DIP2C: variants seen among roughly 807,000 people sequenced by gnomAD.
The protein encoded by DIP2C is disco-interacting protein 2 homolog C.
In DIP2C, 33 loss-of-function variants were observed where a neutral mutation model predicts 192.4. The ratio of observed to expected loss-of-function variants is 0.17; its 90% CI spans 0.13 to 0.23. The LOEUF (loss-of-function observed/expected upper bound fraction) is 0.23, where lower values mean the gene tolerates loss of function less well. Among genes scored for constraint, DIP2C ranks in the 10% least tolerant of loss-of-function variants. The probability of loss-of-function intolerance (pLI) is 1.00; values close to 1 mark genes in which losing one functional copy is unlikely to be tolerated. For synonymous variants in DIP2C, 979 were observed against 864.1 expected, an observed-to-expected ratio of 1.13 and a Z score of -2.33; for missense variants, 1,537 against 2,110.1, an observed-to-expected ratio of 0.73 and a Z score of 5.32.
rs143414550 is a variant in DIP2C, at chr10:510,229, T to C, written c.86-23699A>G. Among the ~76,000 whole-genome samples the C allele has an allele frequency of 2.5e-3, 387 of 152,340 alleles. 5 individuals are homozygous for C. Among genetic ancestry groups the C allele is most frequent in the South Asian group, 0.022 (107 of 4,818 alleles). On this transcript the variant is annotated intron_variant, in intron 1 of 36. Transcript: ENST00000280886. ...TCACAAATCTATGTGGGGCAGTTGTTAGCCCCAGTTTAGAGATGAGGAAAA... is the reference window on the plus strand; with the variant it reads ...TCACAAATCTATGTGGGGCAGTTGTCAGCCCCAGTTTAGAGATGAGGAAAA...
At chr10:567,283 G>T (rs546386941) in intron 1 of DIP2C, among the ~76,000 whole-genome samples, 1 of 152,260 alleles carries the variant, frequency 6.6e-6, no homozygotes, top group South Asian at 2.1e-4. Context: ...CTACCTCCCA[G>T]ATTCAAGCAA....
chr10:308,323 A>G (rs1008144671), intron 32 of DIP2C, among the ~76,000 whole-genome samples: 3 of 151,380 alleles, frequency 2.0e-5, no homozygotes, highest in African/African-American at 7.4e-5. Flanking sequence ...GGGAAAGTGA[A>G]CTGCACCGCC....
Position 639,620 on chromosome 10 carries a change from G to A in DIP2C, c.85+49874C>T, listed in dbSNP as rs567504295. Among the ~76,000 whole-genome samples the A allele has an allele frequency of 1.3e-4, 20 of 152,348 alleles. No individual in the cohort carries two copies. The East Asian group carries it at 3.5e-3, about 26-fold the overall frequency. On this transcript the variant is annotated intron_variant, in intron 1 of 36. Coordinates refer to ENST00000280886, the MANE Select transcript of DIP2C (RefSeq NM_014974.3). ...AAGCTCACGTCCAAGGTCATTAAAC[G>A]CATGGCAAGCTCGCCTTGGAGGCAT...
intron 1 of DIP2C, among the ~76,000 whole-genome samples, chr10:515,197 C>A (rs1315609541): frequency 6.6e-6 from 1 of 152,148 alleles, no homozygotes; most frequent in African/African-American, 2.4e-5. Flanking sequence ...TTAATAGTAA[C>A]TTGTCCATAA....
At chr10:617,630 C>T (rs914181943) in intron 1 of DIP2C, among the ~76,000 whole-genome samples, 1 of 152,024 alleles carries the variant, frequency 6.6e-6, no homozygotes, top group African/African-American at 2.4e-5. Context: ...AACCCAGCCC[C>T]ACTGTCCAGG....
intron 1 of DIP2C, among the ~76,000 whole-genome samples, chr10:507,518 G>A (rs766331372): frequency 6.6e-5 from 10 of 152,106 alleles, no homozygotes; most frequent in East Asian, 1.9e-4. Context: ...TTAGGGACCC[G>A]GTCACCCGCT....
At chr10:377,807 G>A (rs913139630) in intron 17 of DIP2C, among the ~76,000 whole-genome samples, 1 of 152,190 alleles carries the variant, frequency 6.6e-6, no homozygotes, top group Admixed American at 6.5e-5. Flanking sequence ...CTAGAAGATG[G>A]TTGTGGTGAC....
At chr10:342,273 C>A (rs1021982322) in intron 28 of DIP2C, among the ~76,000 whole-genome samples, 1 of 152,186 alleles carries the variant, frequency 6.6e-6, no homozygotes, top group African/African-American at 2.4e-5. Flanking sequence ...ATTCTCCTGC[C>A]TCAGCCTCCC....
At chr10:495,052 G>A (rs140576788) in intron 1 of DIP2C, among the ~76,000 whole-genome samples, 3 of 152,292 alleles carry the variant, frequency 2.0e-5, no homozygotes, top group South Asian at 2.1e-4. Context: ...TCAACTTAAC[G>A]AACTAAATTC....
intron 23 of DIP2C, 85 bp from the exon 24 acceptor site, chr10:356,591 A>T: frequency 1.8e-6 from 2 of 1,134,742 alleles, no homozygotes; most frequent in Non-Finnish European, 2.6e-6. Flanking sequence ...GGATACTCAA[A>T]CCCATAGAGG....
At chr10:681,518 T>C (rs944230982) in intron 1 of DIP2C, among the ~76,000 whole-genome samples, 4 of 148,956 alleles carry the variant, frequency 2.7e-5, no homozygotes, top group Non-Finnish European at 5.9e-5. Context: ...GCCACAGAAA[T>C]TCCAGGGAAT....
At chr10:415,956 C>T in intron 6 of DIP2C, 68 bp from the exon 7 acceptor site, 1 of 1,602,856 alleles carries the variant, frequency 6.2e-7, no homozygotes, top group Non-Finnish European at 8.5e-7. Flanking sequence ...CACAGTCCCA[C>T]AGTCCCACAG....
At chr10:646,466 C>G (rs950935898) in intron 1 of DIP2C, among the ~76,000 whole-genome samples, 1 of 152,198 alleles carries the variant, frequency 6.6e-6, no homozygotes, top group Non-Finnish European at 1.5e-5. Flanking sequence ...GGACGGGTGG[C>G]GACCGCACCA....
intron 1 of DIP2C, among the ~76,000 whole-genome samples, chr10:500,252 T>C (rs1210059154): frequency 6.6e-6 from 1 of 152,234 alleles, no homozygotes; most frequent in African/African-American, 2.4e-5. Context: ...CTGGCCTGTC[T>C]CAGGAGCAGG....
rs1213852439 is a variant in DIP2C, at chr10:548,506, G to C, written c.86-61976C>G. 2.3e-5 allele frequency among the ~76,000 whole-genome samples: 2 copies of C among 87,208 alleles called. 1 individual carries two copies. The highest frequency in any genetic ancestry group is 7.8e-4 in the East Asian group (2 of 2,574). The allele number at this position is 87,208 out of a possible 152,430, so 57.2% of individuals were successfully genotyped here. ...AGTGAGGCCAGAGGTGATGTGGCCA[G>C]GAGGGAGGGAGGGAGGCAGGCAGGC... On this transcript the variant is annotated intron_variant, in intron 1 of 36. Transcript: ENST00000280886.
intron 1 of DIP2C, among the ~76,000 whole-genome samples, chr10:545,166 C>CTTTTTTTTTT (rs60185327): frequency 8.0e-4 from 69 of 86,346 alleles, no homozygotes; most frequent in African/African-American, 1.7e-3. Flanking sequence ...GGTGTTTTCC[C>CTTTTTTTTTT]TTTTTTTTTT....
chr10:523,908 GC>G (rs1846891152), intron 1 of DIP2C, among the ~76,000 whole-genome samples: 1 of 152,200 alleles, frequency 6.6e-6, no homozygotes, highest in Admixed American at 6.5e-5. Context: ...AAAATTCGCA[GC>G]CCAGGAAACC....
At chr10:557,756 G>A (rs1350251484) in intron 1 of DIP2C, among the ~76,000 whole-genome samples, 1 of 61,698 alleles carries the variant, frequency 1.6e-5, no homozygotes, top group African/African-American at 8.7e-5. Flanking sequence ...TGGGTGGGAA[G>A]GGGGAGGGGG....
At chr10:297,942 C>CA (rs1260247945) in intron 32 of DIP2C, among the ~76,000 whole-genome samples, 1 of 152,176 alleles carries the variant, frequency 6.6e-6, no homozygotes, top group East Asian at 1.9e-4. Flanking sequence ...GTTAAAAATA[C>CA]ACTTTTTAGG....
Sources: gnomAD v4.1 joint callset for allele counts (sites outside exome capture counted in the v4.1 genomes callset) on GRCh38, gnomAD v4.1.1 for gene constraint, MANE v1.5 for transcripts, NCBI Gene and HGNC (gene_info 2026-07-23, HGNC 2026-07-21) for gene names.